HERC3: variants seen among roughly 807,000 people sequenced by gnomAD.
The protein encoded by HERC3 is probable E3 ubiquitin-protein ligase HERC3.
Under a neutral mutation model 129.9 loss-of-function variants are expected in HERC3, and 58 were observed. The ratio of observed to expected loss-of-function variants is 0.45; its 90% CI spans 0.36 to 0.56. HERC3 has a LOEUF of 0.56. Among genes scored for constraint, HERC3 ranks in the 20% least tolerant of loss-of-function variants. HERC3 has a pLI of 0.00. For missense variants in HERC3, 835 were observed against 1,244.2 expected (o/e 0.67, Z 4.95); for synonymous variants, 430 against 451.0 (o/e 0.95, Z 0.59).
chr4:88,687,274 A>G lies in HERC3; in HGVS notation c.2632A>G (p.Asn878Asp). 1.2e-6 allele frequency: 2 copies of G among 1,612,518 alleles called. No individual in the cohort carries two copies. The highest frequency in any genetic ancestry group is 1.3e-5 in the African/African-American group (1 of 75,010). Reference protein sequence around the residue: ...EQKKLIPGGDNVTVCKDNRQE... With the variant: ...EQKKLIPGGDDVTVCKDNRQE... Reference sequence around the variant, plus strand: ...GAAGAAGCTGATACCTGGGGGAGATAATGTAACTGTGTGCAAGGATAACAG... The same window carrying G: ...GAAGAAGCTGATACCTGGGGGAGATGATGTAACTGTGTGCAAGGATAACAG... Residue 878 changes from asparagine to aspartate, a missense_variant, in exon 23 of 26, where the codon AAT (asparagine) becomes GAT (aspartate). Coordinates refer to ENST00000402738, the MANE Select transcript of HERC3 (RefSeq NM_014606.3).
At chr4:88,658,250 A>G in intron 9 of HERC3, 165 bp from the exon 10 acceptor site, 1 of 422,030 alleles carries the variant, frequency 2.4e-6, no homozygotes, top group East Asian at 3.5e-5. Flanking sequence ...ATTGAAGTAG[A>G]AACAGTCCTA....
the HERC3 span, among the ~76,000 whole-genome samples, chr4:88,569,164 T>A: frequency 6.6e-6 from 1 of 152,200 alleles, no homozygotes. Context: ...ACAATTCCCA[T>A]CTGGCTAGAA....
rs1238626883 is a variant in HERC3, at chr4:88,653,137, A to C, written c.685+47A>C. 12 of 1,557,060 alleles carry C rather than the reference A, an allele frequency of 7.7e-6. No individual in the cohort carries two copies. In the Admixed American group the frequency reaches 2.0e-4, roughly 26 times the overall value. ...ATGTATTTAGTTTAAAAGCACATTC[A>C]TTTAACACATGCTTCTTGAGGATCT... On this transcript the variant is annotated intron_variant, in intron 6 of 25. Coordinates refer to ENST00000402738, the MANE Select transcript of HERC3 (RefSeq NM_014606.3).
In HERC3 at chr4:88,706,773, G is replaced by A. The variant is rs746848207; in HGVS notation, c.2966G>A (p.Arg989Gln). Reference sequence around the variant, plus strand: ...CCAGTGTTCCTGACAGGCAGCGATCGGATTCCCATCTACGGCATGGCCAGT... The same window carrying A: ...CCAGTGTTCCTGACAGGCAGCGATCAGATTCCCATCTACGGCATGGCCAGT... ...KFLLFLTGSD[R>Q]IPIYGMASLQ... The change falls in exon 26 of 26, where the codon CGG (arginine) becomes CAG (glutamine). Residue 989 changes from arginine (R) to glutamine (Q), a missense_variant. Coordinates refer to ENST00000402738, the MANE Select transcript of HERC3 (RefSeq NM_014606.3). 3.7e-6 allele frequency: 6 copies of A among 1,614,104 alleles called. No individual in the cohort carries two copies. The highest frequency in any genetic ancestry group is 1.1e-5 in the South Asian group (1 of 91,074).
chr4:88,572,883 GA>G, the HERC3 span, among the ~76,000 whole-genome samples: 1 of 151,816 alleles, frequency 6.6e-6, no homozygotes, highest in African/African-American at 2.4e-5. Context: ...TATAAATGGG[GA>G]AAACTTAATC....
chr4:88,552,224 T>C, the HERC3 span, among the ~76,000 whole-genome samples: 2 of 151,832 alleles, frequency 1.3e-5, no homozygotes, highest in African/African-American at 4.8e-5. Context: ...GCACGGCACA[T>C]GTATACATAT....
the HERC3 span, among the ~76,000 whole-genome samples, chr4:88,529,395 T>A: frequency 6.6e-6 from 1 of 152,060 alleles, no homozygotes; most frequent in Non-Finnish European, 1.5e-5. Context: ...AGTTCGAGGT[T>A]ACAGTAAGGT....
At chr4:88,697,819 A>G (rs1171437115) in intron 23 of HERC3, 62 of 1,510,378 alleles carry the variant, frequency 4.1e-5, no homozygotes, top group Non-Finnish European at 5.1e-5. Flanking sequence ...GAGCTGGTCC[A>G]GAGAGATCTT....
chr4:88,569,856 C>T, the HERC3 span, among the ~76,000 whole-genome samples: 4 of 152,230 alleles, frequency 2.6e-5, no homozygotes, highest in Middle Eastern at 3.2e-3. Flanking sequence ...TAGGGCTGCA[C>T]ATGCATCTAG....
intron 21 of HERC3, among the ~76,000 whole-genome samples, chr4:88,686,222 C>T (rs1000611138): frequency 6.6e-6 from 1 of 152,072 alleles, no homozygotes; most frequent in Non-Finnish European, 1.5e-5. Context: ...CCTGGGGAAG[C>T]CAAAAGATTG....
intron 3 of HERC3, among the ~76,000 whole-genome samples, chr4:88,645,457 T>C (rs1331568909): frequency 6.6e-6 from 1 of 152,196 alleles, no homozygotes; most frequent in Non-Finnish European, 1.5e-5. Flanking sequence ...GATAGTTTTA[T>C]TAAAAACTTA....
Position 88,605,947 on chromosome 4 carries a change from G to A in HERC3, c.124G>A (p.Gly42Arg). The A allele has an allele frequency of 6.2e-7, 1 of 1,614,110 alleles. No homozygotes were observed. Among genetic ancestry groups the A allele is most frequent in the Non-Finnish European group, 8.5e-7 (1 of 1,180,024 alleles). The change falls in exon 3 of 26, where the codon GGG (glycine) becomes AGG (arginine). Residue 42 changes from glycine to arginine, a missense_variant. By Grantham distance (125) the Gly-to-Arg change is moderately radical. Transcript: ENST00000402738. ...CAGAAGTGTCAAGGAAGTGGCCTGT[G>A]GGGGAAACCACTCTGTGTTCCTGCT... ...SDRSVKEVAC[G>R]GNHSVFLLED...
At position 88,652,872 on chromosome 4, in the gene HERC3, G is replaced by T; in HGVS notation, c.467G>T (p.Gly156Val). 1 of 1,605,966 alleles carries T rather than the reference G, an allele frequency of 6.2e-7. No individual in the cohort carries two copies. Among genetic ancestry groups the T allele is most frequent in the Non-Finnish European group, 8.5e-7 (1 of 1,174,458 alleles). The change falls in exon 6 of 26, where the codon GGC becomes GTC. Residue 156 changes from glycine (G) to valine (V), a missense_variant. Physicochemically the swap from Gly to Val is moderately radical, Grantham distance 109 (BLOSUM62 -3). Coordinates refer to ENST00000402738, the MANE Select transcript of HERC3 (RefSeq NM_014606.3). ...ACCAGTTATCCTGTTATTTCAGATG[G>T]CCAGTTCTTCACCTGGGGAAAGAAC... ...NWHCLALAAD[G>V]QFFTWGKNSH...
chr4:88,530,933 T>C, the HERC3 span, among the ~76,000 whole-genome samples: 1 of 152,188 alleles, frequency 6.6e-6, no homozygotes, highest in African/African-American at 2.4e-5. Context: ...CACTGCAACC[T>C]CTACCTCCCA....
chr4:88,693,391 A>G (rs973162919), intron 23 of HERC3: 15 of 972,706 alleles, frequency 1.5e-5, no homozygotes, highest in Admixed American at 6.2e-5. Flanking sequence ...CTTATATGTC[A>G]TTATCACCAT....
the HERC3 span, among the ~76,000 whole-genome samples, chr4:88,586,840 A>AT: frequency 2.6e-5 from 4 of 152,152 alleles, no homozygotes; most frequent in Admixed American, 2.6e-4. Context: ...GTTGCTTTTC[A>AT]TTTTTTTAAG....
At chr4:88,597,737 A>G (rs1722552668) in intron 2 of HERC3, among the ~76,000 whole-genome samples, 1 of 152,162 alleles carries the variant, frequency 6.6e-6, no homozygotes, top group Non-Finnish European at 1.5e-5. Flanking sequence ...ACCACCTTAG[A>G]GGGGATGATC....
chr4:88,700,332 A>G (rs1256291071), intron 23 of HERC3, among the ~76,000 whole-genome samples: 1 of 152,108 alleles, frequency 6.6e-6, no homozygotes, highest in Admixed American at 6.5e-5. Flanking sequence ...TGGGTCATAC[A>G]GTAAATGTAC....
At chr4:88,524,291 C>T in the HERC3 span, among the ~76,000 whole-genome samples, 10 of 152,298 alleles carry the variant, frequency 6.6e-5, no homozygotes, top group Admixed American at 3.3e-4. Flanking sequence ...ATAAATTCTT[C>T]CTGCCTGAGA....
Sources: allele counts gnomAD v4.1 joint callset (sites outside exome capture counted in the v4.1 genomes callset), GRCh38; gene constraint gnomAD v4.1.1; transcripts MANE v1.5; gene names NCBI Gene and HGNC (gene_info 2026-07-23, HGNC 2026-07-21).